The following SND1 variants were observed in gnomAD, a reference collection of about 807,000 sequenced individuals.
SND1 encodes the protein staphylococcal nuclease and tudor domain containing 1.
SND1 carries 38 observed loss-of-function variants against 121.7 expected under a neutral mutation model. That is an observed-to-expected ratio of 0.31 (90% CI 0.24 to 0.41). The LOEUF is 0.41. SND1 is among the 10% of genes least tolerant of loss of function. The probability of loss-of-function intolerance (pLI) is 1.00; values close to 1 mark genes in which losing one functional copy is unlikely to be tolerated. For synonymous variants in SND1, 401 were observed against 447.4 expected, an observed-to-expected ratio of 0.90 and a Z score of 1.31; for missense variants, 868 against 1,184.6, an observed-to-expected ratio of 0.73 and a Z score of 3.92.
chr7:127,998,098 CAATA>C (rs1802721133), intron 16 of SND1: 4 of 415,640 alleles, frequency 9.6e-6, no homozygotes, highest in Non-Finnish European at 1.5e-5. Context: ...AAGAGATACT[CAATA>C]AATAAATATT....
In SND1 at chr7:127,683,029, T is replaced by C. The variant is rs112118036; in HGVS notation, c.79-3584T>C. 8.8e-3 allele frequency among the ~76,000 whole-genome samples: 1,347 copies of C among 152,242 alleles called. 25 individuals are homozygous for C. Among genetic ancestry groups the C allele is most frequent in the African/African-American group, 0.03 (1,266 of 41,532 alleles). On this transcript the variant is annotated intron_variant, in intron 1 of 23. Transcript: ENST00000354725. Reference sequence around the variant, plus strand: ...TTTACCCAGACATTTAAAGTATTTTTCCCCCAGAAGGTATTTCTCATTGGT... The same window carrying C: ...TTTACCCAGACATTTAAAGTATTTTCCCCCCAGAAGGTATTTCTCATTGGT...
chr7:127,863,177 ACTAT>A (rs1232771444), intron 12 of SND1, among the ~76,000 whole-genome samples: 1 of 152,224 alleles, frequency 6.6e-6, no homozygotes, highest in Non-Finnish European at 1.5e-5. Flanking sequence ...TGCGCCAGGC[ACTAT>A]CTAAATGTAG....
chr7:128,072,192 G>A (rs322834), intron 16 of SND1, among the ~76,000 whole-genome samples: 60,628 of 152,032 alleles, frequency 0.4, 12,650 homozygotes, highest in African/African-American at 0.49. Context: ...GCAACTGTGC[G>A]TGCCTGGTTG....
At chr7:127,667,835 G>A (rs981418860) in intron 1 of SND1, among the ~76,000 whole-genome samples, 22 of 151,360 alleles carry the variant, frequency 1.5e-4, no homozygotes, top group African/African-American at 5.1e-4. Context: ...TGCACATACA[G>A]TGCTTAGAAT....
chr7:127,654,953 A>G (rs554483308), intron 1 of SND1, among the ~76,000 whole-genome samples: 2 of 152,374 alleles, frequency 1.3e-5, no homozygotes, highest in African/African-American at 2.4e-5. Context: ...CATTGGTACT[A>G]GGAACTGCTT....
chr7:127,704,999 G>A, intron 8 of SND1, 54 bp downstream of exon 8: 1 of 1,465,992 alleles, frequency 6.8e-7, no homozygotes, highest in Non-Finnish European at 9.5e-7. Context: ...GGATCTTTAG[G>A]GAAAGAAATC....
chr7:127,753,903 G>A (rs956115196), intron 10 of SND1, among the ~76,000 whole-genome samples: 1 of 152,204 alleles, frequency 6.6e-6, no homozygotes, highest in Non-Finnish European at 1.5e-5. Context: ...TCTCAGTGAG[G>A]AAGTAAGATT....
chr7:127,901,304 G>A (rs558798794), intron 13 of SND1, among the ~76,000 whole-genome samples: 1 of 152,326 alleles, frequency 6.6e-6, no homozygotes, highest in Admixed American at 6.5e-5. Flanking sequence ...TCCCTTTGCA[G>A]ATAGTGGTGG....
intron 16 of SND1, among the ~76,000 whole-genome samples, chr7:128,073,108 G>A (rs1793442342): frequency 6.6e-6 from 1 of 152,202 alleles, no homozygotes; most frequent in Non-Finnish European, 1.5e-5. Context: ...GCTGTGGAAA[G>A]GGGGTATTAG....
At chr7:127,881,978 C>T (rs536533924) in intron 12 of SND1, among the ~76,000 whole-genome samples, 14 of 152,082 alleles carry the variant, frequency 9.2e-5, no homozygotes, top group East Asian at 1.9e-4. Context: ...AGAGGCTGGA[C>T]GCAGTGGCTC....
intron 13 of SND1, among the ~76,000 whole-genome samples, chr7:127,899,814 C>G (rs41464647): frequency 0.22 from 33,748 of 152,008 alleles, 4,229 homozygotes; most frequent in Middle Eastern, 0.33. Context: ...AGGGCCTAGA[C>G]CAAGAGGGTT....
Position 128,004,038 on chromosome 7 carries a change from C to CTTT in SND1, c.1779+12996_1779+12998dup, listed in dbSNP as rs34590935. Among the ~76,000 whole-genome samples, 21 of 131,076 alleles carry CTTT rather than the reference C, an allele frequency of 1.6e-4. No individual in the cohort carries two copies. In the South Asian group the frequency reaches 4.5e-3, roughly 28 times the overall value. 86.0% of individuals were successfully genotyped at this position (131,076 alleles called of 152,430 possible). A position where few individuals can be genotyped will look rare whatever the true frequency, so the allele number is the denominator to read the frequency against. On this transcript the variant is annotated intron_variant, in intron 16 of 23. Transcript: ENST00000354725. Reference sequence around the variant, plus strand: ...CATCAGCAGCTTTGTAACTTACTTTCTTTTTTTTTTTTTTTTGCCCTATGT... The same window carrying CTTT: ...CATCAGCAGCTTTGTAACTTACTTTCTTTTTTTTTTTTTTTTTTTGCCCTATGT...
chr7:127,975,865 G>A (rs1368363304), intron 15 of SND1, among the ~76,000 whole-genome samples: 2 of 152,206 alleles, frequency 1.3e-5, no homozygotes, highest in Admixed American at 6.5e-5. Context: ...AGGTGCTCAT[G>A]GCTGTTAGTA....
chr7:127,868,240 C>A (rs1293443207), intron 12 of SND1, among the ~76,000 whole-genome samples: 1 of 152,096 alleles, frequency 6.6e-6, no homozygotes, highest in African/African-American at 2.4e-5. Flanking sequence ...TAAAAAATAG[C>A]CAGGTGTAGC....
At chr7:127,719,464 C>T (rs191314282) in intron 9 of SND1, among the ~76,000 whole-genome samples, 20 of 152,250 alleles carry the variant, frequency 1.3e-4, no homozygotes, top group Admixed American at 1.0e-3. Flanking sequence ...CTAGCCCTGA[C>T]CTTGGTCCTG....
chr7:127,868,466 C>T (rs1294689295), intron 12 of SND1, among the ~76,000 whole-genome samples: 3 of 152,142 alleles, frequency 2.0e-5, no homozygotes, highest in Non-Finnish European at 4.4e-5. Context: ...TCTTTTCTGC[C>T]TTATAGAGGG....
chr7:127,994,862 C>A (rs574769975), intron 16 of SND1, among the ~76,000 whole-genome samples: 1 of 152,088 alleles, frequency 6.6e-6, no homozygotes, highest in Non-Finnish European at 1.5e-5. Context: ...CAGGCCTGCA[C>A]CACCATGCTC....
chr7:128,025,626 G>C (rs1453180551), intron 16 of SND1, among the ~76,000 whole-genome samples: 1 of 152,184 alleles, frequency 6.6e-6, no homozygotes, highest in Non-Finnish European at 1.5e-5. Context: ...GTACTCACGG[G>C]ATGCCTCTCT....
intron 10 of SND1, among the ~76,000 whole-genome samples, chr7:127,800,990 A>G (rs753694574): frequency 3.2e-4 from 49 of 152,168 alleles, no homozygotes; most frequent in African/African-American, 5.1e-4. Context: ...TCCATTTGCT[A>G]TGTTGCTCTA....
Sources: gnomAD v4.1 joint callset for allele counts (sites outside exome capture counted in the v4.1 genomes callset) on GRCh38, gnomAD v4.1.1 for gene constraint, MANE v1.5 for transcripts, NCBI Gene and HGNC (gene_info 2026-07-23, HGNC 2026-07-21) for gene names.